The following FAM53A variants were observed in gnomAD, a reference collection of about 807,000 sequenced individuals.
FAM53A encodes the protein protein FAM53A.
A neutral mutation model predicts 26.6 loss-of-function variants in FAM53A; 28 were observed. The observed-to-expected ratio is 1.05, with a 90% confidence interval of 0.78 to 1.45. The LOEUF (loss-of-function observed/expected upper bound fraction) is 1.45. FAM53A is among the 40% of genes most tolerant of loss of function. FAM53A has a pLI of 0.00. For synonymous variants in FAM53A, 290 were observed against 253.1 expected (o/e 1.15, Z -1.38); for missense variants, 650 against 575.8 (o/e 1.13, Z -1.32).
Position 1,643,320 on chromosome 4 carries a change from A to G in FAM53A, c.883-1713T>C, listed in dbSNP as rs566080357. 9.2e-3 allele frequency among the ~76,000 whole-genome samples: 1,394 copies of G among 151,600 alleles called. 25 individuals carry two copies. Among genetic ancestry groups the G allele is most frequent in the African/African-American group, 0.032 (1,307 of 41,346 alleles). ...TCTCTACTAAAAATACAAAAAATTAACCAGGCGTGGTGGCGGGCGCCTGTA... is the reference window on the plus strand; with the variant it reads ...TCTCTACTAAAAATACAAAAAATTAGCCAGGCGTGGTGGCGGGCGCCTGTA... On this transcript the variant is annotated intron_variant, in intron 4 of 4. Transcript: ENST00000308132.
chr4:1,653,942 A>G (rs1366625739), intron 4 of FAM53A, among the ~76,000 whole-genome samples: 1 of 152,144 alleles, frequency 6.6e-6, no homozygotes, highest in Non-Finnish European at 1.5e-5. Context: ...AGCCCACCCG[A>G]GCAAGACAGT....
the FAM53A span, among the ~76,000 whole-genome samples, chr4:1,576,219 G>T: frequency 1.3e-5 from 2 of 152,206 alleles, no homozygotes; most frequent in African/African-American, 4.8e-5. Context: ...TATCTATCAC[G>T]CGGCTGCCTT....
chr4:1,629,284 A>G (rs1370481676), intron 1 of FAM53A, among the ~76,000 whole-genome samples: 2 of 152,134 alleles, frequency 1.3e-5, no homozygotes, highest in Non-Finnish European at 2.9e-5. Context: ...GGCTGTGGCC[A>G]CCACCTAGAG....
At chr4:1,662,667 G>C (rs970054307) in intron 2 of FAM53A, among the ~76,000 whole-genome samples, 1 of 146,726 alleles carries the variant, frequency 6.8e-6, no homozygotes, top group African/African-American at 2.5e-5. Flanking sequence ...AAAAAAAAAA[G>C]GGTTCTTACA....
chr4:1,596,194 T>C, the FAM53A span, among the ~76,000 whole-genome samples: 8 of 152,158 alleles, frequency 5.3e-5, no homozygotes, highest in Admixed American at 1.3e-4. Context: ...CCATGCATGG[T>C]CTGGTGGGGG....
At chr4:1,647,057 G>A (rs779227073) in intron 4 of FAM53A, among the ~76,000 whole-genome samples, 2 of 152,126 alleles carry the variant, frequency 1.3e-5, no homozygotes, top group African/African-American at 2.4e-5. Flanking sequence ...AGTAAAAGCC[G>A]GGCATGGTGG....
chr4:1,592,920 G>GCGGGGCC, the FAM53A span, among the ~76,000 whole-genome samples: 266 of 152,128 alleles, frequency 1.7e-3, no homozygotes, highest in Middle Eastern at 0.014. Context: ...GGTCCTGGCT[G>GCGGGGCC]CGGGGCCCGG....
rs1270035303 is a variant in FAM53A at position 1,641,079 on chromosome 4, G to A, written c.*214C>T. 7.0e-6 allele frequency: 4 copies of A among 572,282 alleles called. No homozygotes were observed. Among genetic ancestry groups the A allele is most frequent in the South Asian group, 6.2e-5 (3 of 48,234 alleles). The allele number at this position is 572,282 out of a possible 1,614,324, so 35.5% of individuals were successfully genotyped here. A position where few individuals can be genotyped will look rare whatever the true frequency, so the allele number is the denominator to read the frequency against. On this transcript the variant is annotated 3_prime_UTR_variant, in exon 5 of 5. Transcript: ENST00000308132. ...TCTGTGCCCCAGGGCAGGTGCCGGC[G>A]GCAGCCGTGGCCCCGACCAGCTCAC...
chr4:1,595,122 C>T, the FAM53A span, among the ~76,000 whole-genome samples: 1 of 152,214 alleles, frequency 6.6e-6, no homozygotes, highest in Non-Finnish European at 1.5e-5. Context: ...GATTCCAGCT[C>T]CCACAGGAGT....
At chr4:1,643,597 T>C (rs1486942572) in intron 4 of FAM53A, among the ~76,000 whole-genome samples, 1 of 151,378 alleles carries the variant, frequency 6.6e-6, no homozygotes, top group Non-Finnish European at 1.5e-5. Context: ...GACAGGGTCT[T>C]GCTCTGTTTC....
At chr4:1,631,383 C>G (rs1715604322) in intron 1 of FAM53A, among the ~76,000 whole-genome samples, 1 of 152,236 alleles carries the variant, frequency 6.6e-6, no homozygotes, top group South Asian at 2.1e-4. Flanking sequence ...GTGAGGCCAG[C>G]TTGCAGCCCA....
chr4:1,580,064 G>T, the FAM53A span: 2 of 152,192 alleles, frequency 1.3e-5, no homozygotes, highest in African/African-American at 4.8e-5. Context: ...TATTTGTGCT[G>T]GTGAGATTAA....
the FAM53A span, among the ~76,000 whole-genome samples, chr4:1,579,820 G>C: frequency 6.6e-6 from 1 of 152,206 alleles, no homozygotes; most frequent in Non-Finnish European, 1.5e-5. Context: ...GGGGCCCGCA[G>C]GGAGGGCGCA....
At chr4:1,656,326 T>A (rs1481249882) in intron 3 of FAM53A, among the ~76,000 whole-genome samples, 6 of 152,230 alleles carry the variant, frequency 3.9e-5, no homozygotes, top group Non-Finnish European at 5.9e-5. Context: ...CCCAGCCCAC[T>A]GCCTGCTGGT....
chr4:1,657,779 A>G lies in FAM53A; in HGVS notation c.76-311T>C, dbSNP rs548294089. ...CAGCCTCCCAAGTAGCTGGGACTAC[A>G]GGCGCCCACCACCACGCCCGGTTAA... On this transcript the variant is annotated intron_variant, in intron 2 of 4. Coordinates refer to ENST00000308132, the MANE Select transcript of FAM53A (RefSeq NM_001174070.3). Among the ~76,000 whole-genome samples the G allele has an allele frequency of 4.0e-5, 6 of 151,684 alleles. No homozygotes were observed. The South Asian group carries it at 1.2e-3, about 32-fold the overall frequency.
At chr4:1,617,906 G>A (rs906351907), downstream of FAM53A, 8 of 395,408 alleles carry the variant, frequency 2.0e-5, no homozygotes, top group South Asian at 9.3e-5. Context: ...AGGAGCAGTC[G>A]GCAGCTGCTG....
At chr4:1,650,534 T>C (rs1243956624) in intron 4 of FAM53A, among the ~76,000 whole-genome samples, 2 of 152,134 alleles carry the variant, frequency 1.3e-5, no homozygotes, top group Non-Finnish European at 2.9e-5. Flanking sequence ...TCTCACTCTG[T>C]CGCCCAGGCT....
intron 1 of FAM53A, among the ~76,000 whole-genome samples, chr4:1,675,128 G>A (rs941602772): frequency 5.9e-5 from 9 of 152,222 alleles, no homozygotes; most frequent in South Asian, 2.1e-4. Flanking sequence ...AGAGGGTCCC[G>A]GAAAAGGAGA....
chr4:1,616,165 C>A (rs919950170), downstream of FAM53A, among the ~76,000 whole-genome samples: 2 of 152,158 alleles, frequency 1.3e-5, no homozygotes, highest in East Asian at 1.9e-4. Context: ...TGTGAGACTG[C>A]GGAGCGACAT....
Sources: gnomAD v4.1 joint callset for allele counts (sites outside exome capture counted in the v4.1 genomes callset) on GRCh38, gnomAD v4.1.1 for gene constraint, MANE v1.5 for transcripts, NCBI Gene and HGNC (gene_info 2026-07-23, HGNC 2026-07-21) for gene names.